Variants in GMDS observed in about 807,000 individuals in gnomAD.
GMDS encodes GDP-mannose 4,6 dehydratase.
GMDS carries 20 observed loss-of-function variants against 49.9 expected under a neutral mutation model. That is an observed-to-expected ratio of 0.40 (90% CI 0.28 to 0.58). The LOEUF (loss-of-function observed/expected upper bound fraction) is 0.58, where lower values mean the gene tolerates loss of function less well. Ranked by LOEUF, GMDS falls within the 20% of genes least tolerant of loss-of-function variation. The probability of loss-of-function intolerance (pLI) is 0.42; values close to 1 mark genes in which losing one functional copy is unlikely to be tolerated. For missense variants in GMDS, 362 were observed against 481.4 expected, an observed-to-expected ratio of 0.75 and a Z score of 2.32; for synonymous variants, 177 against 178.6, an observed-to-expected ratio of 0.99 and a Z score of 0.07.
Position 1,738,103 on chromosome 6 carries a change from CAT to C in GMDS, c.890+4363_890+4364del, listed in dbSNP as rs201667576. ...ACACACCACACACATACACACCACA[CAT>C]ATACACACACACCACACACCCATAC... On this transcript the variant is annotated intron_variant, in intron 8 of 10. Transcript: ENST00000380815. 1.9e-3 allele frequency among the ~76,000 whole-genome samples: 283 copies of C among 147,278 alleles called. 2 individuals carry two copies. Among genetic ancestry groups the C allele is most frequent in the African/African-American group, 6.1e-3 (243 of 39,526 alleles).
intron 7 of GMDS, among the ~76,000 whole-genome samples, chr6:1,774,113 T>C (rs954399679): frequency 6.6e-6 from 1 of 152,242 alleles, no homozygotes; most frequent in Non-Finnish European, 1.5e-5. Context: ...GTGCTGACTA[T>C]ATCAGAGGCA....
chr6:2,164,460 C>T (rs1777560335), intron 1 of GMDS, among the ~76,000 whole-genome samples: 1 of 152,176 alleles, frequency 6.6e-6, no homozygotes, highest in African/African-American at 2.4e-5. Context: ...CTCAAGGAAG[C>T]CACTACAGTT....
chr6:1,722,243 TTAG>T (rs1219258558), intron 9 of GMDS, among the ~76,000 whole-genome samples: 1 of 80,908 alleles, frequency 1.2e-5, no homozygotes, highest in Non-Finnish European at 2.1e-5. Context: ...ATTATTATTA[TTAG>T]TAGTAGTAGT....
At chr6:1,915,660 G>A (rs914511171) in intron 7 of GMDS, among the ~76,000 whole-genome samples, 9 of 152,224 alleles carry the variant, frequency 5.9e-5, no homozygotes, top group Non-Finnish European at 1.0e-4. Flanking sequence ...ACAGTGCAGG[G>A]TACAGCCAGC....
In GMDS at chr6:1,766,821, T is replaced by C. The variant is rs1447992421; in HGVS notation, c.772-24235A>G. ...AAACTCTAAAATGTTAGCTGTGGGC[T>C]GAAACACTGACTGGACTAAACAAAG... On this transcript the variant is annotated intron_variant, in intron 7 of 10. Transcript: ENST00000380815. The surrounding 1 kb of genome is among the most constrained non-coding windows in gnomAD (Gnocchi z 4.5). 6.6e-6 allele frequency among the ~76,000 whole-genome samples: 1 copy of C among 152,254 alleles called. No individual in the cohort carries two copies. The highest frequency in any genetic ancestry group is 1.5e-5 in the Non-Finnish European group (1 of 68,050).
chr6:2,142,473 C>G (rs1776350637), intron 1 of GMDS, among the ~76,000 whole-genome samples: 1 of 152,052 alleles, frequency 6.6e-6, no homozygotes, highest in Non-Finnish European at 1.5e-5. Flanking sequence ...GCAAGAATGT[C>G]ACAGGATGAT....
chr6:1,637,859 G>A (rs1014423564), intron 9 of GMDS, among the ~76,000 whole-genome samples: 3 of 152,208 alleles, frequency 2.0e-5, no homozygotes, highest in Non-Finnish European at 2.9e-5. Context: ...GCAAGGAAAC[G>A]GCGGTGCTGG....
intron 4 of GMDS, among the ~76,000 whole-genome samples, chr6:2,045,389 T>C (rs1003540794): frequency 6.6e-6 from 1 of 152,012 alleles, no homozygotes; most frequent in Non-Finnish European, 1.5e-5. Flanking sequence ...CCTCTATTTT[T>C]TCAGGTTCTT....
intron 4 of GMDS, among the ~76,000 whole-genome samples, chr6:2,003,585 C>T (rs577516245): frequency 6.6e-6 from 1 of 152,276 alleles, no homozygotes; most frequent in African/African-American, 2.4e-5. Context: ...GTAAGACTTG[C>T]TACGACTGAA....
chr6:2,094,860 G>C (rs1773505399), intron 4 of GMDS, among the ~76,000 whole-genome samples: 1 of 152,160 alleles, frequency 6.6e-6, no homozygotes, highest in African/African-American at 2.4e-5. Flanking sequence ...TAAAAGATAA[G>C]CATAGACACC....
At chr6:1,637,754 T>C (rs897508166) in intron 9 of GMDS, among the ~76,000 whole-genome samples, 12 of 152,018 alleles carry the variant, frequency 7.9e-5, no homozygotes, top group Non-Finnish European at 8.8e-5. Context: ...TCAGAATGGG[T>C]TTTTTACCAG....
chr6:1,770,132 TTTAC>T (rs1272550143), intron 7 of GMDS, among the ~76,000 whole-genome samples: 2 of 152,368 alleles, frequency 1.3e-5, no homozygotes, highest in South Asian at 2.1e-4. Context: ...TATTATTAAC[TTTAC>T]TTGAGTCATG....
At chr6:1,738,990 A>G (rs1282511071) in intron 8 of GMDS, among the ~76,000 whole-genome samples, 1 of 152,214 alleles carries the variant, frequency 6.6e-6, no homozygotes, top group African/African-American at 2.4e-5. Flanking sequence ...TTTCTGGATA[A>G]GCTGGCTTTT....
chr6:2,186,466 C>A (rs1203783692), intron 1 of GMDS, among the ~76,000 whole-genome samples: 1 of 152,180 alleles, frequency 6.6e-6, no homozygotes, highest in East Asian at 1.9e-4. Flanking sequence ...ATATCTGAAT[C>A]AACCTGGATG....
At chr6:2,188,763 AC>A (rs1778888816) in intron 1 of GMDS, among the ~76,000 whole-genome samples, 1 of 152,180 alleles carries the variant, frequency 6.6e-6, no homozygotes, top group South Asian at 2.1e-4. Context: ...CAAAGGAGGA[AC>A]CATGAGGCCT....
chr6:1,625,689 AGAAG>A (rs1483463525), intron 9 of GMDS, among the ~76,000 whole-genome samples: 1 of 152,246 alleles, frequency 6.6e-6, no homozygotes, highest in African/African-American at 2.4e-5. Context: ...AAAATAGGAA[AGAAG>A]GAAGAAAGGA....
chr6:2,055,854 G>T (rs1172043767), intron 4 of GMDS, among the ~76,000 whole-genome samples: 1 of 152,046 alleles, frequency 6.6e-6, no homozygotes, highest in Non-Finnish European at 1.5e-5. Context: ...TATGATTCCT[G>T]TTATGAAGAT....
Position 2,156,746 on chromosome 6 carries a change from G to T in GMDS, c.103-32015C>A, listed in dbSNP as rs181682882. On this transcript the variant is annotated intron_variant, in intron 1 of 10. Transcript: ENST00000380815. ...GAATATGTCTCGGGGTAGATATTAT[G>T]TTTATCTCTGTGCATGAGAACTTTT... Among the ~76,000 whole-genome samples the T allele has an allele frequency of 5.7e-3, 865 of 152,128 alleles. 2 individuals carry two copies. The highest frequency in any genetic ancestry group is 0.017 in the Middle Eastern group (5 of 294).
At chr6:2,059,725 A>AAAAAAAAAAAG (rs1771023894) in intron 4 of GMDS, among the ~76,000 whole-genome samples, 1 of 140,744 alleles carries the variant, frequency 7.1e-6, no homozygotes, top group African/African-American at 2.7e-5. Context: ...AAAAAAAAAA[A>AAAAAAAAAAAG]AATGCACTAC....
Sources: allele counts gnomAD v4.1 joint callset (sites outside exome capture counted in the v4.1 genomes callset), GRCh38; gene constraint gnomAD v4.1.1; non-coding constraint Gnocchi (gnomAD v3.1); transcripts MANE v1.5; gene names NCBI Gene and HGNC (gene_info 2026-07-23, HGNC 2026-07-21).